ULK4: variants seen among roughly 807,000 people sequenced by gnomAD.
The protein encoded by ULK4 is unc-51 like kinase 4, also known as inactive serine/threonine-protein kinase ULK4.
A neutral mutation model predicts 160.6 loss-of-function variants in ULK4; 133 were observed. The observed-to-expected ratio is 0.83, with a 90% confidence interval of 0.72 to 0.96. ULK4 has a LOEUF of 0.96. Ranked by LOEUF, ULK4 falls within the 40% of genes least tolerant of loss-of-function variation. ULK4 has a pLI of 0.00. For missense variants in ULK4, 1,580 were observed against 1,499.5 expected (o/e 1.05, Z -0.89); for synonymous variants, 534 against 539.8 (o/e 0.99, Z 0.15).
At chr3:41,396,270 T>A (rs539708737) in intron 35 of ULK4, among the ~76,000 whole-genome samples, 2 of 152,034 alleles carry the variant, frequency 1.3e-5, no homozygotes, top group South Asian at 4.2e-4. Flanking sequence ...CCTGAGTGTC[T>A]CCTATGGGCA....
chr3:41,587,415 T>C (rs2030905464), intron 31 of ULK4, among the ~76,000 whole-genome samples: 1 of 152,154 alleles, frequency 6.6e-6, no homozygotes, highest in Non-Finnish European at 1.5e-5. Context: ...GTCTGCAAAC[T>C]CCCTTTTGGC....
intron 34 of ULK4, among the ~76,000 whole-genome samples, chr3:41,437,263 T>C (rs1468872833): frequency 6.6e-6 from 1 of 152,126 alleles, no homozygotes; most frequent in African/African-American, 2.4e-5. Flanking sequence ...GCAGGGAGGA[T>C]GGAAGGGATG....
chr3:41,732,333 C>T (rs967460504), intron 22 of ULK4, among the ~76,000 whole-genome samples: 8 of 152,046 alleles, frequency 5.3e-5, no homozygotes, highest in African/African-American at 1.9e-4. Flanking sequence ...AAAAGACATA[C>T]AAATGGCCAA....
At chr3:41,335,111 A>G (rs1450599792) in intron 35 of ULK4, among the ~76,000 whole-genome samples, 2 of 152,240 alleles carry the variant, frequency 1.3e-5, no homozygotes, top group Admixed American at 6.5e-5. Context: ...GTTTTTAGTA[A>G]AGGCACACAA....
At chr3:41,322,706 C>G (rs1203966887) in intron 35 of ULK4, among the ~76,000 whole-genome samples, 1 of 152,206 alleles carries the variant, frequency 6.6e-6, no homozygotes, top group Non-Finnish European at 1.5e-5. Flanking sequence ...ATTTAATGCT[C>G]AGCAGATATT....
At chr3:41,334,753 T>C (rs1357413549) in intron 35 of ULK4, among the ~76,000 whole-genome samples, 1 of 152,230 alleles carries the variant, frequency 6.6e-6, no homozygotes, top group Admixed American at 6.5e-5. Context: ...TGTATTTTAA[T>C]ACATGAAAAC....
At chr3:41,306,579 C>T (rs2079943285) in intron 35 of ULK4, among the ~76,000 whole-genome samples, 1 of 151,482 alleles carries the variant, frequency 6.6e-6, no homozygotes, top group Non-Finnish European at 1.5e-5. Flanking sequence ...AGGGGCACCT[C>T]TGCCCGGCCG....
At chr3:41,738,958 G>C (rs1032912288) in intron 22 of ULK4, among the ~76,000 whole-genome samples, 9 of 151,882 alleles carry the variant, frequency 5.9e-5, no homozygotes, top group Admixed American at 2.0e-4. Flanking sequence ...TGGAGCCCCA[G>C]GGAAGCATCA....
At chr3:41,449,261 C>A (rs995705574) in intron 34 of ULK4, among the ~76,000 whole-genome samples, 3 of 152,014 alleles carry the variant, frequency 2.0e-5, no homozygotes, top group African/African-American at 7.2e-5. Context: ...CCAGGTCTCA[C>A]TATGTTGCCC....
intron 32 of ULK4, among the ~76,000 whole-genome samples, chr3:41,522,785 G>T (rs1436384455): frequency 6.6e-6 from 1 of 152,190 alleles, no homozygotes; most frequent in African/African-American, 2.4e-5. Flanking sequence ...GATTTTCATT[G>T]TGTTCCAAAG....
At chr3:41,362,920 T>C (rs914342209) in intron 35 of ULK4, among the ~76,000 whole-genome samples, 4 of 152,220 alleles carry the variant, frequency 2.6e-5, no homozygotes, top group Non-Finnish European at 5.9e-5. Flanking sequence ...AGCCCTGATC[T>C]GGCTGCACTG....
Position 41,919,827 on chromosome 3 carries a change from A to G in ULK4, c.542-9T>C. ...TGTATATACAGGAGATCCTAAAAGCAAAGTATGAAGAACAGCTCGGTTAGG... is the reference window on the plus strand; with the variant it reads ...TGTATATACAGGAGATCCTAAAAGCGAAGTATGAAGAACAGCTCGGTTAGG... On this transcript the variant is annotated splice_polypyrimidine_tract_variant and intron_variant, in intron 5 of 36. Transcript: ENST00000301831. 6.2e-7 allele frequency: 1 copy of G among 1,604,056 alleles called. No individual in the cohort carries two copies. The highest frequency in any genetic ancestry group is 8.5e-7 in the Non-Finnish European group (1 of 1,172,028).
At chr3:41,279,673 G>T (rs1171471032) in intron 35 of ULK4, among the ~76,000 whole-genome samples, 1 of 152,172 alleles carries the variant, frequency 6.6e-6, no homozygotes, top group African/African-American at 2.4e-5. Flanking sequence ...TTAAAGAAAA[G>T]AATTTTCAAT....
chr3:41,335,201 C>T (rs955845844), intron 35 of ULK4, among the ~76,000 whole-genome samples: 3 of 152,130 alleles, frequency 2.0e-5, no homozygotes, highest in Admixed American at 2.0e-4. Context: ...TAAGTATCCT[C>T]ATTAACAGTG....
intron 4 of ULK4, among the ~76,000 whole-genome samples, chr3:41,932,895 T>C (rs1211676609): frequency 6.6e-6 from 1 of 151,996 alleles, no homozygotes; most frequent in Non-Finnish European, 1.5e-5. Flanking sequence ...AATACAAAAA[T>C]TAGCTGGGCA....
intron 32 of ULK4, among the ~76,000 whole-genome samples, chr3:41,515,912 T>G (rs2085733976): frequency 1.3e-5 from 2 of 152,294 alleles, no homozygotes; most frequent in South Asian, 2.1e-4. Context: ...ATCAGAAGAT[T>G]GATGAACACT....
At chr3:41,331,659 TG>T (rs1317228491) in intron 35 of ULK4, among the ~76,000 whole-genome samples, 3 of 152,222 alleles carry the variant, frequency 2.0e-5, no homozygotes, top group Non-Finnish European at 4.4e-5. Context: ...AAACTTTTTT[TG>T]TGTGATCCTC....
At chr3:41,664,189 G>T (rs1225713413) in intron 29 of ULK4, among the ~76,000 whole-genome samples, 1 of 152,160 alleles carries the variant, frequency 6.6e-6, no homozygotes, top group African/African-American at 2.4e-5. Context: ...CTAGTATTGA[G>T]CTAGGCATAT....
chr3:41,344,737 A>G (rs1036895252), intron 35 of ULK4, among the ~76,000 whole-genome samples: 3 of 143,200 alleles, frequency 2.1e-5, no homozygotes, highest in African/African-American at 7.9e-5. Context: ...TGGGTAACAG[A>G]GCAAGACTCT....
Sources: allele counts gnomAD v4.1 joint callset (sites outside exome capture counted in the v4.1 genomes callset), GRCh38; gene constraint gnomAD v4.1.1; transcripts MANE v1.5; gene names NCBI Gene and HGNC (gene_info 2026-07-23, HGNC 2026-07-21).